Variants in DRC8 observed in about 807,000 individuals in gnomAD.
DRC8 encodes the protein dynein regulatory complex subunit 8, also known as dynein regulatory complex protein 8.
chr1:244,974,740 G>C, the DRC8 span, among the ~76,000 whole-genome samples: 3 of 151,760 alleles, frequency 2.0e-5, no homozygotes, highest in Non-Finnish European at 4.4e-5. Context: ...TGTTGCCTAA[G>C]CTGGAATGTA....
chr1:245,101,164 C>T, the DRC8 span, among the ~76,000 whole-genome samples: 1 of 152,222 alleles, frequency 6.6e-6, no homozygotes, highest in Non-Finnish European at 1.5e-5. Flanking sequence ...GGATTACAGG[C>T]ATGAGCCACG....
the DRC8 span, among the ~76,000 whole-genome samples, chr1:245,109,955 CGT>C: frequency 6.6e-6 from 1 of 152,198 alleles, no homozygotes; most frequent in Non-Finnish European, 1.5e-5. Flanking sequence ...CTTTATTAAG[CGT>C]GTGTTATCTT....
At chr1:245,119,805 T>C in the DRC8 span, among the ~76,000 whole-genome samples, 51,330 of 151,612 alleles carry the variant, frequency 0.34, 9,277 homozygotes, top group African/African-American at 0.45. Flanking sequence ...TGGTGGCAGG[T>C]GCCTGTAGTC....
chr1:245,001,400 C>T, the DRC8 span, among the ~76,000 whole-genome samples: 1 of 152,196 alleles, frequency 6.6e-6, no homozygotes, highest in South Asian at 2.1e-4. Context: ...ATCAGAGTCC[C>T]CTGAGGACCT....
At chr1:245,001,651 T>C in the DRC8 span, among the ~76,000 whole-genome samples, 1 of 152,354 alleles carries the variant, frequency 6.6e-6, no homozygotes, top group East Asian at 1.9e-4. Flanking sequence ...GGTGGGGCAC[T>C]GAAGCTGAGA....
the DRC8 span, among the ~76,000 whole-genome samples, chr1:244,983,739 C>CAAAA: frequency 7.2e-4 from 73 of 100,714 alleles, no homozygotes; most frequent in South Asian, 3.6e-3. Context: ...GACTCTGTCT[C>CAAAA]AAAAAAAAAA....
chr1:245,095,607 C>G, the DRC8 span, among the ~76,000 whole-genome samples: 1 of 152,166 alleles, frequency 6.6e-6, no homozygotes, highest in Non-Finnish European at 1.5e-5. Flanking sequence ...ATAGCTCACT[C>G]CAGCCTCGAA....
At chr1:245,001,542 A>T in the DRC8 span, among the ~76,000 whole-genome samples, 5 of 152,084 alleles carry the variant, frequency 3.3e-5, no homozygotes, top group African/African-American at 9.7e-5. Context: ...CACCCTGGGG[A>T]GTTATTGCAG....
At chr1:245,082,963 C>T in the DRC8 span, among the ~76,000 whole-genome samples, 3 of 152,162 alleles carry the variant, frequency 2.0e-5, no homozygotes, top group Non-Finnish European at 2.9e-5. Context: ...CCCACCTCAG[C>T]CTCCCAAAGT....
chr1:244,973,787 C>T, the DRC8 span, among the ~76,000 whole-genome samples: 1 of 152,274 alleles, frequency 6.6e-6, no homozygotes, highest in South Asian at 2.1e-4. Context: ...GGTACCTATC[C>T]TATCCACTCT....
chr1:245,106,985 A>C, the DRC8 span, among the ~76,000 whole-genome samples: 1 of 152,260 alleles, frequency 6.6e-6, no homozygotes, highest in African/African-American at 2.4e-5. Flanking sequence ...CGGAGGTTGC[A>C]GTGAGCCAAG....
chr1:245,121,684 G>T, the DRC8 span, among the ~76,000 whole-genome samples: 1 of 152,114 alleles, frequency 6.6e-6, no homozygotes, highest in Non-Finnish European at 1.5e-5. Flanking sequence ...CTGCGTGGGG[G>T]AGAGGTACGG....
the DRC8 span, among the ~76,000 whole-genome samples, chr1:245,014,031 CAAAAA>C: frequency 1.1e-5 from 1 of 93,148 alleles, no homozygotes; most frequent in Non-Finnish European, 1.9e-5. Context: ...GACTCCATCT[CAAAAA>C]AAAAAAAAAA....
the DRC8 span, among the ~76,000 whole-genome samples, chr1:245,096,671 A>T: frequency 6.6e-6 from 1 of 152,262 alleles, no homozygotes; most frequent in African/African-American, 2.4e-5. Context: ...GACTTCATAG[A>T]GGAAGTGGCA....
At chr1:245,097,933 G>A in the DRC8 span, among the ~76,000 whole-genome samples, 9 of 152,196 alleles carry the variant, frequency 5.9e-5, no homozygotes, top group Non-Finnish European at 1.2e-4. This position sits in a 1 kb window ranked among gnomAD's most constrained non-coding sequence, Gnocchi z 5.0. Flanking sequence ...GCAGGGCCCC[G>A]AGCATGAAGG....
chr1:245,052,366 T>C, the DRC8 span, among the ~76,000 whole-genome samples: 1 of 152,138 alleles, frequency 6.6e-6, no homozygotes, highest in African/African-American at 2.4e-5. Flanking sequence ...TTCAGGGTGG[T>C]GACAGTGGCC....
the DRC8 span, among the ~76,000 whole-genome samples, chr1:245,103,725 AG>A: frequency 7.3e-6 from 1 of 136,732 alleles, no homozygotes; most frequent in Non-Finnish European, 1.6e-5. Flanking sequence ...TGGTCAGGAG[AG>A]GGGACCGGAG....
At chr1:245,014,254 G>A in the DRC8 span, among the ~76,000 whole-genome samples, 4 of 151,974 alleles carry the variant, frequency 2.6e-5, no homozygotes, top group Non-Finnish European at 5.9e-5. Context: ...TTCGACATAG[G>A]GTTAAGTCTT....
At chr1:245,123,789 CA>C in the DRC8 span, 1 of 154,466 alleles carries the variant, frequency 6.5e-6, no homozygotes, top group Non-Finnish European at 1.4e-5. The surrounding 1 kb of genome is among the most constrained non-coding windows in gnomAD (Gnocchi z 5.0). Flanking sequence ...TACAGGCAGT[CA>C]CCACCTTGCC....
Sources: allele counts gnomAD v4.1 joint callset (sites outside exome capture counted in the v4.1 genomes callset), GRCh38; gene constraint gnomAD v4.1.1; non-coding constraint Gnocchi (gnomAD v3.1); transcripts MANE v1.5; gene names NCBI Gene and HGNC (gene_info 2026-07-23, HGNC 2026-07-21).